Variants in COL25A1 observed in about 807,000 individuals in gnomAD.
COL25A1 encodes collagen type XXV alpha 1 chain, also known as collagen alpha-1(XXV) chain.
COL25A1 carries 103 observed loss-of-function variants against 128.4 expected under a neutral mutation model. The observed-to-expected ratio is 0.80, with a 90% CI of 0.68 to 0.94. The LOEUF is 0.94. COL25A1 is among the 40% of genes least tolerant of loss of function. COL25A1 has a pLI of 0.00. For synonymous variants in COL25A1, 279 were observed against 277.2 expected (o/e 1.01, Z -0.06); for missense variants, 745 against 840.0 (o/e 0.89, Z 1.40).
At chr4:108,880,734 G>A (rs923909661) in intron 19 of COL25A1, among the ~76,000 whole-genome samples, 3 of 152,166 alleles carry the variant, frequency 2.0e-5, no homozygotes, top group Non-Finnish European at 4.4e-5. Flanking sequence ...GGGCGGACAA[G>A]GATCTGCACA....
At position 109,302,159 on chromosome 4, in the gene COL25A1, G is replaced by T; in HGVS notation, c.-57+10C>A. The T allele has an allele frequency of 1.8e-6, 2 of 1,130,902 alleles. No homozygotes were observed. The highest frequency in any genetic ancestry group is 2.4e-6 in the Non-Finnish European group (2 of 823,308). 70.1% of individuals were successfully genotyped at this position (1,130,902 alleles called of 1,614,324 possible). On this transcript the variant is annotated intron_variant, in intron 1 of 37. Coordinates refer to ENST00000399132, the MANE Select transcript of COL25A1 (RefSeq NM_198721.4). ...AGTTGGTGGAGTCAAGCCCACGAGC[G>T]GATACGGACCCCTGCCTTGCTCAGC...
At chr4:109,138,110 A>G (rs1578259191) in intron 3 of COL25A1, among the ~76,000 whole-genome samples, 1 of 151,612 alleles carries the variant, frequency 6.6e-6, no homozygotes, top group East Asian at 1.9e-4. Context: ...TACATTAGGT[A>G]TTTCTCCTAC....
chr4:108,868,042 A>G (rs1370455471), intron 20 of COL25A1, among the ~76,000 whole-genome samples: 4 of 152,186 alleles, frequency 2.6e-5, no homozygotes, highest in African/African-American at 7.2e-5. Flanking sequence ...TTAGGAATCT[A>G]TATGACATCA....
intron 3 of COL25A1, among the ~76,000 whole-genome samples, chr4:109,104,163 AG>A (rs1766172709): frequency 6.6e-6 from 1 of 152,134 alleles, no homozygotes; most frequent in African/African-American, 2.4e-5. Flanking sequence ...ACTTGAGGCC[AG>A]GAGTCTGAAA....
In COL25A1 at chr4:109,239,412, ATATATATATATTTATTTATT is replaced by A. The variant is rs1560914767; in HGVS notation, c.367+61151_367+61170del. ...TGTGTGTGTATATATATATATATATATATATATATATTTATTTATTTATTTATTTATATTGTATTGCTTGT... is the reference window on the plus strand; with the variant it reads ...TGTGTGTGTATATATATATATATATATATTTATTTATATTGTATTGCTTGT... On this transcript the variant is annotated intron_variant, in intron 3 of 37. Coordinates refer to ENST00000399132, the MANE Select transcript of COL25A1 (RefSeq NM_198721.4). 5.5e-3 allele frequency among the ~76,000 whole-genome samples: 743 copies of A among 134,860 alleles called. 4 individuals are homozygous for A. Among genetic ancestry groups the A allele is most frequent in the Middle Eastern group, 0.019 (5 of 260 alleles). The allele number at this position is 134,860 out of a possible 152,430, so 88.5% of individuals were successfully genotyped here. A position where few individuals can be genotyped will look rare whatever the true frequency, so the allele number is the denominator to read the frequency against.
chr4:108,867,179 G>A (rs554719911), intron 20 of COL25A1, among the ~76,000 whole-genome samples: 1 of 152,284 alleles, frequency 6.6e-6, no homozygotes, highest in Admixed American at 6.5e-5. Context: ...TACTGCTTGT[G>A]TTTTTTCTAT....
chr4:108,827,074 G>A (rs1732481124), intron 33 of COL25A1, 61 bp downstream of exon 33: 2 of 1,440,482 alleles, frequency 1.4e-6, no homozygotes, highest in Non-Finnish European at 2.0e-6. Context: ...GGTTAACCGT[G>A]TCAGTGACTG....
chr4:108,989,924 C>T (rs1343799514), intron 6 of COL25A1, among the ~76,000 whole-genome samples: 1 of 151,792 alleles, frequency 6.6e-6, no homozygotes, highest in Non-Finnish European at 1.5e-5. Context: ...ATAAAAATTA[C>T]CAAATACGCC....
At position 108,832,445 on chromosome 4, in the gene COL25A1, A is replaced by G. The variant is rs1316413807; in HGVS notation, c.1657-12T>C. On this transcript the variant is annotated splice_polypyrimidine_tract_variant and intron_variant, in intron 31 of 37. Coordinates refer to ENST00000399132, the MANE Select transcript of COL25A1 (RefSeq NM_198721.4). ...GGACCATCTGTACCCTAAAAAAAAG[A>G]TAATATGAGATATATCACAAGGGCT... 6.4e-7 allele frequency: 1 copy of G among 1,559,966 alleles called. No individual in the cohort carries two copies. The highest frequency in any genetic ancestry group is 1.1e-5 in the South Asian group (1 of 87,106).
intron 19 of COL25A1, among the ~76,000 whole-genome samples, chr4:108,873,552 G>C (rs1739038549): frequency 1.7e-5 from 2 of 114,806 alleles, no homozygotes; most frequent in Admixed American, 9.4e-5. Flanking sequence ...AGTAGTAGTA[G>C]TAGTAGTAGC....
chr4:109,121,931 T>C (rs1275295916), intron 3 of COL25A1, among the ~76,000 whole-genome samples: 1 of 152,072 alleles, frequency 6.6e-6, no homozygotes, highest in African/African-American at 2.4e-5. Flanking sequence ...TGGAATATCA[T>C]ATCATTCAGG....
chr4:108,964,047 C>A (rs897985203), intron 8 of COL25A1, among the ~76,000 whole-genome samples: 3 of 149,010 alleles, frequency 2.0e-5, no homozygotes, highest in Non-Finnish European at 3.0e-5. Context: ...TAAATAATAT[C>A]ATAATTAAAT....
chr4:108,936,730 CCAAGCCCAAA>C (rs921982039), intron 11 of COL25A1, among the ~76,000 whole-genome samples: 8 of 150,864 alleles, frequency 5.3e-5, no homozygotes, highest in African/African-American at 1.9e-4. Context: ...TGAATACAAT[CCAAGCCCAAA>C]GAAGCCTTGT....
At chr4:108,878,836 G>A (rs1277349571) in intron 19 of COL25A1, among the ~76,000 whole-genome samples, 1 of 152,028 alleles carries the variant, frequency 6.6e-6, no homozygotes, top group Non-Finnish European at 1.5e-5. Flanking sequence ...GGTTATGTGA[G>A]TTTCCTAATT....
chr4:109,102,297 G>A (rs945128997), intron 3 of COL25A1, among the ~76,000 whole-genome samples: 2 of 151,704 alleles, frequency 1.3e-5, no homozygotes, highest in African/African-American at 4.8e-5. Context: ...GTAATTTATA[G>A]GTGCTTTTAT....
Position 109,166,472 on chromosome 4 carries a change from C to A in COL25A1, c.368-116293G>T, listed in dbSNP as rs982193. ...CAACTGAATCAGTTTTCCAACAAATCTGGTGCATAGAATTCTAATTTTCCC... is the reference window on the plus strand; with the variant it reads ...CAACTGAATCAGTTTTCCAACAAATATGGTGCATAGAATTCTAATTTTCCC... On this transcript the variant is annotated intron_variant, in intron 3 of 37. Coordinates refer to ENST00000399132, the MANE Select transcript of COL25A1 (RefSeq NM_198721.4). Among the ~76,000 whole-genome samples, 1,158 of 152,324 alleles carry A rather than the reference C, an allele frequency of 7.6e-3. 14 individuals are homozygous for A. Among genetic ancestry groups the A allele is most frequent in the African/African-American group, 0.026 (1,096 of 41,574 alleles).
intron 3 of COL25A1, among the ~76,000 whole-genome samples, chr4:109,184,524 A>G (rs924196367): frequency 6.6e-6 from 1 of 152,160 alleles, no homozygotes; most frequent in African/African-American, 2.4e-5. Flanking sequence ...GGTACTTTCT[A>G]GACTATATTT....
chr4:109,117,173 C>G (rs996704252), intron 3 of COL25A1, among the ~76,000 whole-genome samples: 4 of 151,740 alleles, frequency 2.6e-5, no homozygotes, highest in African/African-American at 7.3e-5. Context: ...GGATAAATGC[C>G]CCCACACTAC....
intron 5 of COL25A1, among the ~76,000 whole-genome samples, chr4:109,030,528 T>G (rs1204818376): frequency 6.6e-6 from 1 of 152,128 alleles, no homozygotes; most frequent in East Asian, 1.9e-4. Context: ...AAAAGAGAAT[T>G]ATATCTGTGA....
Sources: allele counts gnomAD v4.1 joint callset (sites outside exome capture counted in the v4.1 genomes callset), GRCh38; gene constraint gnomAD v4.1.1; transcripts MANE v1.5; gene names NCBI Gene and HGNC (gene_info 2026-07-23, HGNC 2026-07-21).